CSMD1: variants seen among roughly 807,000 people sequenced by gnomAD.
CSMD1 encodes the protein CUB and Sushi multiple domains 1.
In CSMD1, 213 loss-of-function variants were observed where a neutral mutation model predicts 417.5. The observed-to-expected ratio is 0.51, with a 90% CI of 0.46 to 0.57. The LOEUF is 0.57. CSMD1 is among the 20% of genes least tolerant of loss of function. The pLI, the probability that CSMD1 is intolerant of heterozygous loss-of-function variation, is 0.00. For missense variants in CSMD1, 6,923 were observed against 4,529.7 expected (o/e 1.53, Z -15.17); for synonymous variants, 2,862 against 1,736.8 (o/e 1.65, Z -16.11).
intron 12 of CSMD1, among the ~76,000 whole-genome samples, chr8:3,450,871 A>G (rs1302875407): frequency 6.6e-6 from 1 of 151,696 alleles, no homozygotes; most frequent in Non-Finnish European, 1.5e-5. Context: ...CTAGTTCTAG[A>G]TCCCTGAGGA....
intron 7 of CSMD1, among the ~76,000 whole-genome samples, chr8:3,662,504 G>C (rs1798471144): frequency 1.3e-5 from 2 of 152,146 alleles, no homozygotes; most frequent in South Asian, 4.1e-4. Flanking sequence ...AAACATATGT[G>C]TGCATGTGTC....
chr8:3,604,102 G>A (rs2469349), intron 8 of CSMD1, among the ~76,000 whole-genome samples: 130,203 of 152,210 alleles, frequency 0.86, 55,896 homozygotes, highest in African/African-American at 0.88. Context: ...CTTCGAAGCA[G>A]GCTCTGTACT....
At chr8:3,809,993 C>G (rs1485416286) in intron 5 of CSMD1, among the ~76,000 whole-genome samples, 1 of 152,198 alleles carries the variant, frequency 6.6e-6, no homozygotes, top group East Asian at 1.9e-4. Context: ...AAAATAGACA[C>G]CAGCTCTGAC....
At chr8:3,743,870 A>G (rs962815348) in intron 6 of CSMD1, among the ~76,000 whole-genome samples, 5 of 152,184 alleles carry the variant, frequency 3.3e-5, no homozygotes, top group Admixed American at 6.5e-5. Context: ...ATGTTATCGT[A>G]TGTAAAATCC....
At chr8:3,116,828 G>C (rs1465053690) in intron 42 of CSMD1, among the ~76,000 whole-genome samples, 1 of 151,974 alleles carries the variant, frequency 6.6e-6, no homozygotes, top group East Asian at 1.9e-4. Context: ...TTGCAAATAA[G>C]AAGAGGTTTC....
chr8:4,914,772 T>G (rs1197231110), intron 1 of CSMD1, among the ~76,000 whole-genome samples: 2 of 152,130 alleles, frequency 1.3e-5, no homozygotes, highest in Admixed American at 6.6e-5. Context: ...CGTCACTACC[T>G]GCATGAGTTC....
intron 52 of CSMD1, among the ~76,000 whole-genome samples, chr8:3,014,574 C>A (rs1222381820): frequency 6.6e-6 from 1 of 152,138 alleles, no homozygotes; most frequent in Non-Finnish European, 1.5e-5. Flanking sequence ...GACACAACTT[C>A]ATTGAGAACT....
intron 2 of CSMD1, among the ~76,000 whole-genome samples, chr8:4,443,638 A>G (rs75257538): frequency 0.025 from 3,769 of 152,316 alleles, 150 homozygotes; most frequent in African/African-American, 0.086. Flanking sequence ...TGGAACAGCC[A>G]TGCCGTTGAC....
chr8:3,570,444 C>G (rs1799896767), intron 10 of CSMD1, among the ~76,000 whole-genome samples: 2 of 152,116 alleles, frequency 1.3e-5, no homozygotes. Flanking sequence ...GGAAATATGT[C>G]TTCCATCTCT....
intron 5 of CSMD1, among the ~76,000 whole-genome samples, chr8:3,797,114 G>C (rs140863761): frequency 2.0e-5 from 3 of 151,786 alleles, no homozygotes; most frequent in Non-Finnish European, 4.4e-5. Context: ...TAAAACATAA[G>C]TAAATAATGA....
Position 4,260,940 on chromosome 8 carries a change from T to G in CSMD1, c.415+159013A>C, listed in dbSNP as rs142116773. Among the ~76,000 whole-genome samples, 423 of 152,316 alleles carry G rather than the reference T, an allele frequency of 2.8e-3. 5 individuals carry two copies. Among genetic ancestry groups the G allele is most frequent in the African/African-American group, 9.6e-3 (399 of 41,568 alleles). On this transcript the variant is annotated intron_variant, in intron 3 of 69. Transcript: ENST00000635120. ...TTTTAGTTAGTATTTACCTGGTGTA[T>G]TTTTCTACTCTACCTTTACTCTCAT...
intron 3 of CSMD1, among the ~76,000 whole-genome samples, chr8:4,310,018 G>T (rs1236700062): frequency 6.6e-6 from 1 of 152,112 alleles, no homozygotes; most frequent in East Asian, 1.9e-4. Context: ...ACGCTAAAAG[G>T]TATGAAAAGC....
chr8:4,757,651 A>G (rs1811751411), intron 1 of CSMD1, among the ~76,000 whole-genome samples: 1 of 152,138 alleles, frequency 6.6e-6, no homozygotes, highest in African/African-American at 2.4e-5. Context: ...ATAACACATC[A>G]TAATTTTGTG....
At chr8:3,651,976 G>A (rs995709151) in intron 7 of CSMD1, among the ~76,000 whole-genome samples, 57 of 144,242 alleles carry the variant, frequency 4.0e-4, no homozygotes, top group Admixed American at 1.1e-3. Context: ...CCACCAGAGC[G>A]CCTACCAACA....
intron 3 of CSMD1, among the ~76,000 whole-genome samples, chr8:4,310,236 C>T (rs1457994086): frequency 6.6e-6 from 1 of 152,134 alleles, no homozygotes; most frequent in Non-Finnish European, 1.5e-5. Flanking sequence ...TAGCAATTAA[C>T]TTATCACACA....
chr8:4,909,784 T>C (rs186073810), intron 1 of CSMD1, among the ~76,000 whole-genome samples: 41 of 152,324 alleles, frequency 2.7e-4, no homozygotes, highest in Non-Finnish European at 5.6e-4. Context: ...ACATTTGTTT[T>C]GGTTGTGACT....
chr8:3,580,855 G>A (rs1800352804), intron 9 of CSMD1, among the ~76,000 whole-genome samples: 1 of 151,994 alleles, frequency 6.6e-6, no homozygotes, highest in African/African-American at 2.4e-5. Flanking sequence ...TTTCTACAAG[G>A]GCAGAAAACA....
At chr8:4,073,746 A>C (rs937668197) in intron 3 of CSMD1, among the ~76,000 whole-genome samples, 2 of 152,154 alleles carry the variant, frequency 1.3e-5, no homozygotes, top group African/African-American at 2.4e-5. Flanking sequence ...TTTCCATTTC[A>C]GCAATTTATA....
chr8:3,732,889 A>G (rs550305008), intron 6 of CSMD1, among the ~76,000 whole-genome samples: 2 of 152,216 alleles, frequency 1.3e-5, no homozygotes, highest in African/African-American at 2.4e-5. Context: ...CTATCCATCC[A>G]TCTATCATCT....
Sources: gnomAD v4.1 joint callset for allele counts (sites outside exome capture counted in the v4.1 genomes callset) on GRCh38, gnomAD v4.1.1 for gene constraint, MANE v1.5 for transcripts, NCBI Gene and HGNC (gene_info 2026-07-23, HGNC 2026-07-21) for gene names.